KIAA0586: variants seen among roughly 807,000 people sequenced by gnomAD.
KIAA0586 encodes KIAA0586.
KIAA0586 carries 144 observed loss-of-function variants against 169.8 expected under a neutral mutation model. That is an observed-to-expected ratio of 0.85 (90% CI 0.74 to 0.97). KIAA0586 has a LOEUF of 0.97. KIAA0586 is among the 50% of genes least tolerant of loss of function. The probability of loss-of-function intolerance (pLI) is 0.00; values close to 1 mark genes in which losing one functional copy is unlikely to be tolerated. For missense variants in KIAA0586, 1,854 were observed against 1,823.0 expected, an observed-to-expected ratio of 1.02 and a Z score of -0.31; for synonymous variants, 625 against 612.4, an observed-to-expected ratio of 1.02 and a Z score of -0.30.
At chr14:58,505,899 A>T (rs1314924265) in intron 27 of KIAA0586, among the ~76,000 whole-genome samples, 2 of 152,156 alleles carry the variant, frequency 1.3e-5, no homozygotes, top group Non-Finnish European at 2.9e-5. Flanking sequence ...CATATAATTT[A>T]AAAATTTATA....
Position 58,531,998 on chromosome 14 carries a change from C to T in KIAA0586, c.4430-8073C>T, listed in dbSNP as rs905284822. Among the ~76,000 whole-genome samples the T allele has an allele frequency of 3.3e-5, 5 of 151,788 alleles. 1 individual carries two copies. The South Asian group carries it at 1.0e-3, about 32-fold the overall frequency. ...GGAGTTGAACAATGAGAACACTTGG[C>T]CACAGGGAAGGGAATATCACACACC... On this transcript the variant is annotated intron_variant, in intron 29 of 30. Transcript: ENST00000652326.
chr14:58,468,867 A>G (rs2040981709), intron 16 of KIAA0586, among the ~76,000 whole-genome samples: 1 of 152,206 alleles, frequency 6.6e-6, no homozygotes, highest in South Asian at 2.1e-4. Flanking sequence ...GACTGCTCCA[A>G]GGTTCCTCTT....
intron 28 of KIAA0586, 57 bp downstream of exon 28, chr14:58,508,766 C>G: frequency 7.2e-7 from 1 of 1,392,852 alleles, no homozygotes; most frequent in South Asian, 1.3e-5. Context: ...ACACTGTTGC[C>G]TTAGCGTGGT....
At chr14:58,499,410 G>C (rs1021900834) in intron 27 of KIAA0586, among the ~76,000 whole-genome samples, 10 of 151,416 alleles carry the variant, frequency 6.6e-5, no homozygotes, top group Non-Finnish European at 1.5e-4. Context: ...CCACCACCAC[G>C]CCTGGCTAAT....
At chr14:58,463,760 A>G (rs947243650) in intron 14 of KIAA0586, among the ~76,000 whole-genome samples, 16 of 152,056 alleles carry the variant, frequency 1.1e-4, no homozygotes, top group African/African-American at 3.4e-4. Context: ...TAGGAATTCA[A>G]GGTTGCAGTG....
intron 30 of KIAA0586, among the ~76,000 whole-genome samples, chr14:58,544,683 A>T (rs1431029465): frequency 1.3e-5 from 2 of 152,070 alleles, no homozygotes; most frequent in Non-Finnish European, 2.9e-5. Context: ...AAAAGTGTTC[A>T]TGTCCTTTGG....
chr14:58,498,606 C>T (rs1442010029), intron 26 of KIAA0586, among the ~76,000 whole-genome samples, 177 bp from the exon 27 acceptor site: 1 of 152,026 alleles, frequency 6.6e-6, no homozygotes, highest in Non-Finnish European at 1.5e-5. Context: ...TATCACGAGG[C>T]TTATTAGACT....
chr14:58,492,993 G>A (rs1475530991), intron 26 of KIAA0586, among the ~76,000 whole-genome samples: 2 of 152,180 alleles, frequency 1.3e-5, no homozygotes, highest in East Asian at 1.9e-4. Context: ...CCATGGTAAG[G>A]CTTGGGCACT....
In KIAA0586 at chr14:58,522,014, C is replaced by T. The variant is rs1177293318; in HGVS notation, c.4429+9387C>T. ...TAAGCACATAGTGGGGTTTAGAAAT[C>T]TTATCCCATCATTTCTTTACGTAGG... On this transcript the variant is annotated intron_variant, in intron 29 of 30. Coordinates refer to ENST00000652326, the MANE Select transcript of KIAA0586 (RefSeq NM_001329943.3). 15 of 1,245,580 alleles carry T rather than the reference C, an allele frequency of 1.2e-5. No individual in the cohort carries two copies. The East Asian group carries it at 3.3e-4, about 27-fold the overall frequency. The allele number at this position is 1,245,580 out of a possible 1,614,324, so 77.2% of individuals were successfully genotyped here. A position where few individuals can be genotyped will look rare whatever the true frequency, so the allele number is the denominator to read the frequency against.
chr14:58,484,894 A>ATATATATATT (rs1397286434), intron 21 of KIAA0586, among the ~76,000 whole-genome samples: 1 of 5,834 alleles, frequency 1.7e-4, no homozygotes, highest in Non-Finnish European at 2.9e-4. Context: ...ATATATTTAT[A>ATATATATATT]TATATATATA....
At chr14:58,464,933 A>T (rs533559429) in intron 14 of KIAA0586, among the ~76,000 whole-genome samples, 10 of 152,230 alleles carry the variant, frequency 6.6e-5, no homozygotes, top group African/African-American at 2.2e-4. Flanking sequence ...ACAGCCGGGC[A>T]TGGTGGCATG....
At chr14:58,450,535 C>CT (rs761105218) in intron 7 of KIAA0586, 44 bp from the exon 8 acceptor site, 1 of 1,193,874 alleles carries the variant, frequency 8.4e-7, no homozygotes, top group Non-Finnish European at 1.2e-6. Context: ...ATTTTTAAAG[C>CT]TTTTTAAAAG....
At chr14:58,428,616 A>G (rs917227279) in intron 1 of KIAA0586, among the ~76,000 whole-genome samples, 153 bp downstream of exon 1, 9 of 151,692 alleles carry the variant, frequency 5.9e-5, no homozygotes, top group African/African-American at 2.2e-4. Context: ...GGAAGCCTAT[A>G]AAATGTTTGA....
chr14:58,495,110 G>A (rs2043076633), intron 26 of KIAA0586, among the ~76,000 whole-genome samples: 1 of 151,986 alleles, frequency 6.6e-6, no homozygotes, highest in African/African-American at 2.4e-5. Context: ...TTTCACCTCT[G>A]TAGTTACTCC....
At position 58,461,058 on chromosome 14, in the gene KIAA0586, C is replaced by G; in HGVS notation, c.1957C>G (p.Gln653Glu). The change falls in exon 14 of 31, where the codon CAG (glutamine) becomes GAG (glutamate). Residue 653 changes from glutamine to glutamate, a missense_variant. Physicochemically the swap from Gln to Glu is conservative, Grantham distance 29. Transcript: ENST00000652326. ...MLQVYGKPVYQGHRSTLKKGP... is the reference protein window; with the variant it reads ...MLQVYGKPVYEGHRSTLKKGP... Reference sequence around the variant, plus strand: ...ACAAGTCTATGGAAAGCCAGTTTATCAGGGCCATCGAAGCACTCTTAAAAA... The same window carrying G: ...ACAAGTCTATGGAAAGCCAGTTTATGAGGGCCATCGAAGCACTCTTAAAAA... The G allele has an allele frequency of 6.2e-7, 1 of 1,611,994 alleles. No homozygotes were observed. Among genetic ancestry groups the G allele is most frequent in the South Asian group, 1.1e-5 (1 of 90,860 alleles).
chr14:58,484,310 C>A (rs973869803), intron 21 of KIAA0586, among the ~76,000 whole-genome samples: 1 of 152,030 alleles, frequency 6.6e-6, no homozygotes, highest in Admixed American at 6.6e-5. Flanking sequence ...CTTTTCTTGG[C>A]CTTTTAATCT....
Position 58,508,630 on chromosome 14 carries a change from A to T in KIAA0586, c.4244A>T (p.Lys1415Met). Reference protein sequence around the residue: ...LGELELEPNSKLVLPTTLLTA... With the variant: ...LGELELEPNSMLVLPTTLLTA... ...GAATTGGAGTTGGAGCCAAATTCTA[A>T]GCTGGTTCTTCCCACAACACTTCTG... is the stretch of plus-strand genomic sequence containing the variant. The change falls in exon 28 of 31, where the codon AAG becomes ATG. Residue 1415 changes from lysine (K) to methionine (M), a missense_variant. Coordinates refer to ENST00000652326, the MANE Select transcript of KIAA0586 (RefSeq NM_001329943.3). The T allele has an allele frequency of 6.3e-7, 1 of 1,596,924 alleles. No individual in the cohort carries two copies. Among genetic ancestry groups the T allele is most frequent in the South Asian group, 1.1e-5 (1 of 87,886 alleles).
chr14:58,492,265 A>G lies in KIAA0586; in HGVS notation c.3980A>G (p.Tyr1327Cys), dbSNP rs201929144. The change falls in exon 26 of 31, where the codon TAT becomes TGT. Residue 1327 changes from tyrosine (Y) to cysteine (C), a missense_variant. By Grantham distance (194) the Tyr-to-Cys change is radical (BLOSUM62 -2). Transcript: ENST00000652326. ...QESAVSQQAV[Y>C]HSEDLENSVG... is the part of the protein sequence containing the mutation. Reference sequence around the variant, plus strand: ...TCAGCAGTTTCCCAGCAAGCAGTCTATCATTCAGAGGTACTTTTTAACTTT... The same window carrying G: ...TCAGCAGTTTCCCAGCAAGCAGTCTGTCATTCAGAGGTACTTTTTAACTTT... 139 of 1,548,210 alleles carry G rather than the reference A, an allele frequency of 9.0e-5. No individual in the cohort carries two copies. The highest frequency in any genetic ancestry group is 1.7e-4 in the Middle Eastern group (1 of 5,958).
chr14:58,455,514 T>C (rs965863813), intron 9 of KIAA0586, among the ~76,000 whole-genome samples: 3 of 152,224 alleles, frequency 2.0e-5, no homozygotes, highest in Non-Finnish European at 4.4e-5. Flanking sequence ...TTGCTGTTTG[T>C]TTAGTGACTT....
Sources: gnomAD v4.1 joint callset for allele counts (sites outside exome capture counted in the v4.1 genomes callset) on GRCh38, gnomAD v4.1.1 for gene constraint, MANE v1.5 for transcripts, NCBI Gene and HGNC (gene_info 2026-07-23, HGNC 2026-07-21) for gene names.